Variants in RPRD2 observed in about 807,000 individuals in gnomAD.
RPRD2 encodes regulation of nuclear pre-mRNA domain containing 2.
RPRD2 carries 12 observed loss-of-function variants against 104.4 expected under a neutral mutation model. That is an observed-to-expected ratio of 0.11 (90% CI 0.07 to 0.19). RPRD2 has a LOEUF of 0.19. Among genes scored for constraint, RPRD2 ranks in the 10% least tolerant of loss-of-function variants. RPRD2 has a pLI of 1.00. For missense variants in RPRD2, 1,543 were observed against 1,790.1 expected (o/e 0.86, Z 2.49); for synonymous variants, 714 against 684.9 (o/e 1.04, Z -0.66).
chr1:150,460,499 G>A (rs1487221513), intron 9 of RPRD2, among the ~76,000 whole-genome samples, 182 bp downstream of exon 9: 3 of 151,996 alleles, frequency 2.0e-5, no homozygotes, highest in African/African-American at 7.2e-5. Context: ...TGCCTCCCGG[G>A]TTCAAGTGTT....
At chr1:150,414,889 C>T (rs1553888290) in intron 1 of RPRD2, among the ~76,000 whole-genome samples, 1 of 152,148 alleles carries the variant, frequency 6.6e-6, no homozygotes, top group East Asian at 1.9e-4. Context: ...ACTCTTCACC[C>T]TAAAAGGTCT....
intron 10 of RPRD2, 136 bp downstream of exon 10, chr1:150,464,863 T>G (rs1668165449): frequency 2.5e-6 from 1 of 405,778 alleles, no homozygotes; most frequent in African/African-American, 2.1e-5. Context: ...TTTATTTATT[T>G]ATTTATTTAT....
intron 1 of RPRD2, among the ~76,000 whole-genome samples, chr1:150,404,592 G>A (rs1197311073): frequency 2.0e-5 from 3 of 151,958 alleles, no homozygotes; most frequent in African/African-American, 4.8e-5. Flanking sequence ...GTCTTTGCTA[G>A]GCTGTATCAG....
chr1:150,452,141 C>CAAAAA (rs34342843), intron 7 of RPRD2, among the ~76,000 whole-genome samples: 3 of 110,944 alleles, frequency 2.7e-5, no homozygotes, highest in Admixed American at 1.1e-4. Flanking sequence ...GACTCTGTCT[C>CAAAAA]AAAAAAAAAA....
intron 3 of RPRD2, 28 bp downstream of exon 3, chr1:150,441,051 A>C (rs372919532): frequency 8.5e-7 from 1 of 1,179,668 alleles, no homozygotes; most frequent in African/African-American, 1.5e-5. Flanking sequence ...TCCTAAAAGA[A>C]AATTTTTGAG....
chr1:150,416,572 T>C (rs1163296843), intron 1 of RPRD2, among the ~76,000 whole-genome samples: 9 of 151,948 alleles, frequency 5.9e-5, no homozygotes, highest in Non-Finnish European at 1.3e-4. Context: ...TCATGAACCA[T>C]TGAAAAACTT....
At chr1:150,381,193 T>C (rs1572358060) in intron 1 of RPRD2, among the ~76,000 whole-genome samples, 1 of 149,774 alleles carries the variant, frequency 6.7e-6, no homozygotes. Context: ...TAGGCCAAGG[T>C]GGAAAGATTG....
intron 10 of RPRD2, among the ~76,000 whole-genome samples, chr1:150,466,528 G>GAAAGA (rs59657052): frequency 6.8e-6 from 1 of 146,854 alleles, no homozygotes; most frequent in Non-Finnish European, 1.5e-5. Context: ...CAACCTAAGT[G>GAAAGA]ATGAGACCCT....
In RPRD2 at chr1:150,473,890, C is replaced by T. The variant is rs587763814; in HGVS notation, c.*556C>T. 6.6e-6 allele frequency: 1 copy of T among 152,232 alleles called. No homozygotes were observed. The highest frequency in any genetic ancestry group is 6.5e-5 in the Admixed American group (1 of 15,282). 9.4% of individuals were successfully genotyped at this position (152,232 alleles called of 1,614,324 possible). ...GTTGCAAGGGAGGAAATGTGAGAGACCTTGAACCTGTCAGGTTTATTTGTT... is the reference window on the plus strand; with the variant it reads ...GTTGCAAGGGAGGAAATGTGAGAGATCTTGAACCTGTCAGGTTTATTTGTT... On this transcript the variant is annotated 3_prime_UTR_variant, in exon 11 of 11. Coordinates refer to ENST00000369068, the MANE Select transcript of RPRD2 (RefSeq NM_015203.5).
intron 2 of RPRD2, among the ~76,000 whole-genome samples, chr1:150,435,481 T>G (rs587739234): frequency 8.5e-5 from 13 of 152,296 alleles, no homozygotes; most frequent in Admixed American, 3.9e-4. Flanking sequence ...TGTAGGAAAT[T>G]AAAAATGCTA....
At chr1:150,434,402 G>A (rs1374464730) in intron 2 of RPRD2, among the ~76,000 whole-genome samples, 1 of 152,098 alleles carries the variant, frequency 6.6e-6, no homozygotes, top group Non-Finnish European at 1.5e-5. Flanking sequence ...AACAGTTAAA[G>A]CTGTTCTTAG....
At chr1:150,470,197 C>G (rs974880545) in intron 10 of RPRD2, among the ~76,000 whole-genome samples, 1 of 152,088 alleles carries the variant, frequency 6.6e-6, no homozygotes, top group African/African-American at 2.4e-5. Flanking sequence ...TTAAGAAATA[C>G]TGGCTTAAAG....
At chr1:150,386,697 T>C (rs1052159047) in intron 1 of RPRD2, among the ~76,000 whole-genome samples, 25 of 152,152 alleles carry the variant, frequency 1.6e-4, no homozygotes, top group African/African-American at 5.8e-4. Context: ...CTGAAAAATA[T>C]GAGAACCACA....
At chr1:150,429,299 T>G (rs1030089977) in intron 2 of RPRD2, among the ~76,000 whole-genome samples, 2 of 151,758 alleles carry the variant, frequency 1.3e-5, no homozygotes, top group Admixed American at 6.6e-5. Flanking sequence ...TCCATGTTGG[T>G]CAGGCTGGTC....
intron 2 of RPRD2, among the ~76,000 whole-genome samples, chr1:150,423,263 T>C (rs1664884985): frequency 1.3e-5 from 2 of 152,188 alleles, no homozygotes. Context: ...CTTGGGAAAC[T>C]GTGGACTACT....
chr1:150,441,354 CT>C (rs1434258514), intron 3 of RPRD2: 2 of 230,478 alleles, frequency 8.7e-6, no homozygotes, highest in African/African-American at 2.3e-5. Context: ...GCCCTGTGCC[CT>C]TACTGTTGGA....
chr1:150,409,677 C>G (rs1319103273), intron 1 of RPRD2, among the ~76,000 whole-genome samples: 4 of 117,862 alleles, frequency 3.4e-5, no homozygotes, highest in Non-Finnish European at 6.7e-5. Flanking sequence ...GAGTCGGAGT[C>G]TTGCTCTTTC....
intron 1 of RPRD2, among the ~76,000 whole-genome samples, chr1:150,383,831 C>T (rs1198564190): frequency 6.6e-6 from 1 of 152,110 alleles, no homozygotes; most frequent in African/African-American, 2.4e-5. Context: ...CACTTCTGTC[C>T]TCTTAGGCTT....
Position 150,472,193 on chromosome 1 carries a change from G to A in RPRD2, c.3245G>A (p.Gly1082Glu). 1 of 1,613,860 alleles carries A rather than the reference G, an allele frequency of 6.2e-7. No individual in the cohort carries two copies. Among genetic ancestry groups the A allele is most frequent in the Non-Finnish European group, 8.5e-7 (1 of 1,179,874 alleles). The change falls in exon 11 of 11, where the codon GGG becomes GAG. Residue 1082 changes from glycine (G) to glutamate (E), a missense_variant. This residue lies in a region of RPRD2 where 880 missense variants were observed against 885.6 expected (regional missense o/e 0.99). Transcript: ENST00000369068. ...LDLPDSTEEK[G>E]APIETLGYHS... Reference sequence around the variant, plus strand: ...TTGCCTGATAGCACAGAAGAAAAGGGGGCCCCTATAGAAACCTTGGGTTAT... The same window carrying A: ...TTGCCTGATAGCACAGAAGAAAAGGAGGCCCCTATAGAAACCTTGGGTTAT...
Sources: allele counts gnomAD v4.1 joint callset (sites outside exome capture counted in the v4.1 genomes callset), GRCh38; gene constraint gnomAD v4.1.1; regional missense constraint gnomAD v4.1.1; transcripts MANE v1.5; gene names NCBI Gene and HGNC (gene_info 2026-07-23, HGNC 2026-07-21).